Variants in PLEKHA7 observed in about 807,000 individuals in gnomAD.
PLEKHA7 encodes the protein pleckstrin homology domain-containing family A member 7.
Under a neutral mutation model 170.0 loss-of-function variants are expected in PLEKHA7, and 104 were observed. The observed-to-expected ratio is 0.61, with a 90% CI of 0.52 to 0.72. The LOEUF (loss-of-function observed/expected upper bound fraction) is 0.72. Among genes scored for constraint, PLEKHA7 ranks in the 30% least tolerant of loss-of-function variants. The pLI is 0.00. For synonymous variants in PLEKHA7, 648 were observed against 660.8 expected, an observed-to-expected ratio of 0.98 and a Z score of 0.30; for missense variants, 1,615 against 1,671.7, an observed-to-expected ratio of 0.97 and a Z score of 0.59.
intron 3 of PLEKHA7, among the ~76,000 whole-genome samples, chr11:16,879,969 G>T (rs980162536): frequency 6.6e-6 from 1 of 152,210 alleles, no homozygotes; most frequent in Admixed American, 6.5e-5. Flanking sequence ...TTGGTGAATA[G>T]AAAGTTTTAA....
chr11:16,855,071 G>T, intron 5 of PLEKHA7, 78 bp from the exon 6 acceptor site: 1 of 1,210,734 alleles, frequency 8.3e-7, no homozygotes, highest in South Asian at 1.2e-5. Context: ...TAGGAGGACC[G>T]TCGGCTCTCT....
chr11:17,002,630 A>AC (rs1473519763), intron 3 of PLEKHA7, among the ~76,000 whole-genome samples: 1 of 152,196 alleles, frequency 6.6e-6, no homozygotes, highest in African/African-American at 2.4e-5. Context: ...ATCTGCCTCT[A>AC]CAACAAATGC....
At chr11:17,010,953 C>T (rs1167566070) in intron 3 of PLEKHA7, among the ~76,000 whole-genome samples, 1 of 152,238 alleles carries the variant, frequency 6.6e-6, no homozygotes, top group Non-Finnish European at 1.5e-5. Flanking sequence ...AGTACAATCA[C>T]CTGCCACAGG....
intron 8 of PLEKHA7, 38 bp from the exon 9 acceptor site, chr11:16,841,760 T>C (rs1327202399): frequency 1.3e-6 from 2 of 1,596,960 alleles, no homozygotes; most frequent in African/African-American, 1.3e-5. Flanking sequence ...AGAGGGAGGT[T>C]ATCACACATT....
In PLEKHA7 at chr11:16,855,787, G is replaced by A. The variant is rs749302541; in HGVS notation, c.417+16C>T. 2.6e-6 allele frequency: 4 copies of A among 1,557,032 alleles called. 1 individual carries two copies. In the South Asian group the frequency reaches 4.5e-5, roughly 18 times the overall value. On this transcript the variant is annotated intron_variant, in intron 5 of 26. Transcript: ENST00000531066. ...ATAAAAGAAGGGAAGGAAGGAACAAGTGGCCAGGAGCTCACCTTGGGTCCA... is the reference window on the plus strand; with the variant it reads ...ATAAAAGAAGGGAAGGAAGGAACAAATGGCCAGGAGCTCACCTTGGGTCCA...
intron 3 of PLEKHA7, among the ~76,000 whole-genome samples, chr11:17,010,652 G>C (rs533078342): frequency 6.6e-6 from 1 of 152,284 alleles, no homozygotes; most frequent in South Asian, 2.1e-4. Context: ...CTAAATATGA[G>C]GAGCAACTGA....
At chr11:16,827,909 G>C (rs752513947) in intron 9 of PLEKHA7, among the ~76,000 whole-genome samples, 1 of 149,728 alleles carries the variant, frequency 6.7e-6, no homozygotes, top group Non-Finnish European at 1.5e-5. Context: ...ATCTCAACAT[G>C]AGAGTACATA....
intron 3 of PLEKHA7, among the ~76,000 whole-genome samples, chr11:16,921,963 G>A (rs977672028): frequency 1.3e-4 from 20 of 152,362 alleles, no homozygotes; most frequent in African/African-American, 4.6e-4. Context: ...CTGGACCAGA[G>A]AAGGCTGCTT....
chr11:16,810,427 A>T (rs1849288188), intron 13 of PLEKHA7, among the ~76,000 whole-genome samples: 1 of 152,208 alleles, frequency 6.6e-6, no homozygotes, highest in African/African-American at 2.4e-5. Flanking sequence ...CAGCCATGTC[A>T]GACTGATGAC....
At chr11:16,841,802 A>G (rs1414600060) in intron 8 of PLEKHA7, 80 bp from the exon 9 acceptor site, 3 of 1,415,558 alleles carry the variant, frequency 2.1e-6, no homozygotes, top group Non-Finnish European at 2.9e-6. Flanking sequence ...AGGAGGCACT[A>G]TGGCCCTTCT....
chr11:16,889,161 C>A (rs886939279), intron 3 of PLEKHA7, among the ~76,000 whole-genome samples: 2 of 148,486 alleles, frequency 1.3e-5, no homozygotes, highest in Non-Finnish European at 3.0e-5. Flanking sequence ...CTTGTCCCTG[C>A]CCCACCTTAA....
intron 12 of PLEKHA7, 69 bp from the exon 13 acceptor site, chr11:16,813,235 C>T (rs953760948): frequency 5.1e-6 from 7 of 1,368,072 alleles, no homozygotes; most frequent in Non-Finnish European, 7.3e-6. Flanking sequence ...CGAGGTTTCA[C>T]ATGTGAATTA....
intron 8 of PLEKHA7, chr11:16,842,662 A>T (rs936464417): frequency 2.6e-5 from 4 of 152,046 alleles, no homozygotes; most frequent in Admixed American, 6.6e-5. Flanking sequence ...GACTGGGAAG[A>T]TTTGCAAATC....
At chr11:16,782,563 C>T (rs1849115997) in intron 26 of PLEKHA7, among the ~76,000 whole-genome samples, 191 bp downstream of exon 26, 1 of 152,226 alleles carries the variant, frequency 6.6e-6, no homozygotes, top group Admixed American at 6.5e-5. Flanking sequence ...TGGCCTGCTC[C>T]ACCTTCCCTT....
At chr11:16,940,397 C>T (rs771491425) in intron 3 of PLEKHA7, among the ~76,000 whole-genome samples, 15 of 150,708 alleles carry the variant, frequency 1.0e-4, no homozygotes, top group Admixed American at 2.7e-4. Context: ...AAGCAATTCT[C>T]CTGCCTCAGC....
At chr11:16,892,963 G>A (rs566171131) in intron 3 of PLEKHA7, among the ~76,000 whole-genome samples, 42 of 152,158 alleles carry the variant, frequency 2.8e-4, no homozygotes, top group Non-Finnish European at 5.6e-4. Context: ...CATAGTGGAA[G>A]GTGTAAACAA....
chr11:16,839,899 C>T (rs896570402), intron 9 of PLEKHA7, among the ~76,000 whole-genome samples: 19 of 152,064 alleles, frequency 1.2e-4, no homozygotes, highest in Non-Finnish European at 1.9e-4. Flanking sequence ...GAAACAGTGA[C>T]TGTTGGGGAC....
intron 3 of PLEKHA7, among the ~76,000 whole-genome samples, chr11:16,929,659 T>C (rs558042713): frequency 8.5e-5 from 13 of 152,342 alleles, no homozygotes; most frequent in African/African-American, 2.6e-4. Context: ...GTAAAAGCTT[T>C]TGAACAAAAG....
At position 16,985,624 on chromosome 11, in the gene PLEKHA7, A is replaced by G. The variant is rs547876584; in HGVS notation, c.221+28365T>C. Among the ~76,000 whole-genome samples the G allele has an allele frequency of 8.5e-5, 13 of 152,372 alleles. No homozygotes were observed. The South Asian group carries it at 2.5e-3, about 29-fold the overall frequency. On this transcript the variant is annotated intron_variant, in intron 3 of 26. Coordinates refer to ENST00000531066, the MANE Select transcript of PLEKHA7 (RefSeq NM_001329630.2). ...CCACTTATCCATCCGTTCATTCCGCATTAACATTTTAAGTTTTCTTGCTTG... is the reference window on the plus strand; with the variant it reads ...CCACTTATCCATCCGTTCATTCCGCGTTAACATTTTAAGTTTTCTTGCTTG...
Sources: gnomAD v4.1 joint callset for allele counts (sites outside exome capture counted in the v4.1 genomes callset) on GRCh38, gnomAD v4.1.1 for gene constraint, MANE v1.5 for transcripts, NCBI Gene and HGNC (gene_info 2026-07-23, HGNC 2026-07-21) for gene names.